The following NXPE2 variants were observed in gnomAD, a reference collection of about 807,000 sequenced individuals.
NXPE2 encodes NXPE family member 2.
Under a neutral mutation model 34.4 loss-of-function variants are expected in NXPE2, and 34 were observed. The ratio of observed to expected loss-of-function variants is 0.99; its 90% confidence interval spans 0.75 to 1.31. The LOEUF (loss-of-function observed/expected upper bound fraction) is 1.31. NXPE2 is among the 40% of genes most tolerant of loss of function. The pLI is 0.00. For missense variants in NXPE2, 649 were observed against 672.5 expected, an observed-to-expected ratio of 0.97 and a Z score of 0.39; for synonymous variants, 235 against 231.3, an observed-to-expected ratio of 1.02 and a Z score of -0.15.
the NXPE2 span, among the ~76,000 whole-genome samples, chr11:114,547,462 C>T: frequency 3.3e-5 from 5 of 152,134 alleles, no homozygotes; most frequent in African/African-American, 7.2e-5. Flanking sequence ...TGGCTGGGTG[C>T]GGTGGCTCAC....
At chr11:114,577,044 G>T in the NXPE2 span, among the ~76,000 whole-genome samples, 2 of 25,730 alleles carry the variant, frequency 7.8e-5, no homozygotes, top group Admixed American at 4.1e-4. Context: ...TATATATAAA[G>T]TTATATATAT....
At chr11:114,719,618 C>T in the NXPE2 span, among the ~76,000 whole-genome samples, 1 of 152,378 alleles carries the variant, frequency 6.6e-6, no homozygotes, top group African/African-American at 2.4e-5. Flanking sequence ...ACAGACTTTG[C>T]TTCTCCAGGC....
At chr11:114,798,769 A>T in the NXPE2 span, among the ~76,000 whole-genome samples, 2 of 152,086 alleles carry the variant, frequency 1.3e-5, no homozygotes, top group East Asian at 3.8e-4. Flanking sequence ...CCCTGTCTCT[A>T]AGTTTCTTTG....
At chr11:114,783,562 G>A in the NXPE2 span, among the ~76,000 whole-genome samples, 1 of 152,186 alleles carries the variant, frequency 6.6e-6, no homozygotes, top group Admixed American at 6.5e-5. Flanking sequence ...TCTGTGAAAA[G>A]TTGGTTACTT....
the NXPE2 span, among the ~76,000 whole-genome samples, chr11:114,586,227 G>A: frequency 6.6e-6 from 1 of 152,072 alleles, no homozygotes; most frequent in Non-Finnish European, 1.5e-5. Context: ...TCTTTCTTTT[G>A]CCTGTTAAAC....
At chr11:114,772,403 C>T in the NXPE2 span, among the ~76,000 whole-genome samples, 1 of 152,066 alleles carries the variant, frequency 6.6e-6, no homozygotes, top group Non-Finnish European at 1.5e-5. Context: ...GATTCTAAAT[C>T]CTGAGAATAA....
At chr11:114,777,386 G>A in the NXPE2 span, among the ~76,000 whole-genome samples, 1 of 152,184 alleles carries the variant, frequency 6.6e-6, no homozygotes, top group Non-Finnish European at 1.5e-5. Flanking sequence ...TCATGTTTAA[G>A]GAAATGGGGT....
chr11:114,706,646 G>A lies in NXPE2; in HGVS notation c.1396G>A (p.Ala466Thr), dbSNP rs915323695. ...TCCCATCAACATTTTCATCCGTAGGGCCATCAATATTCAAAAGGCCATTGA... is the reference window on the plus strand; with the variant it reads ...TCCCATCAACATTTTCATCCGTAGGACCATCAATATTCAAAAGGCCATTGA... ...PFPINIFIRR[A>T]INIQKAIERL... The change falls in exon 6 of 6, where the codon GCC becomes ACC. Residue 466 changes from alanine to threonine, a missense_variant. Ala to Thr is a moderately conservative substitution (Grantham distance 58). Coordinates refer to ENST00000389586, the MANE Select transcript of NXPE2 (RefSeq NM_182495.6). The A allele has an allele frequency of 6.4e-7, 1 of 1,551,860 alleles. No homozygotes were observed. Among genetic ancestry groups the A allele is most frequent in the Non-Finnish European group, 8.7e-7 (1 of 1,147,020 alleles).
At chr11:114,755,102 C>T in the NXPE2 span, among the ~76,000 whole-genome samples, 14 of 152,154 alleles carry the variant, frequency 9.2e-5, no homozygotes, top group African/African-American at 3.4e-4. Context: ...AATGCAAGGA[C>T]AATTGGTAAC....
chr11:114,756,717 A>T, the NXPE2 span, among the ~76,000 whole-genome samples: 1 of 152,224 alleles, frequency 6.6e-6, no homozygotes, highest in Admixed American at 6.5e-5. Flanking sequence ...CTATACCTTA[A>T]AGTAATAATA....
At chr11:114,601,293 A>T in the NXPE2 span, among the ~76,000 whole-genome samples, 4 of 149,896 alleles carry the variant, frequency 2.7e-5, no homozygotes, top group African/African-American at 9.8e-5. Context: ...ACTCTGTATG[A>T]TTTTGGGTAC....
downstream of NXPE2, among the ~76,000 whole-genome samples, chr11:114,710,928 A>T (rs545564796): frequency 1.3e-5 from 2 of 152,208 alleles, no homozygotes; most frequent in African/African-American, 2.4e-5. Context: ...GAATACAAGG[A>T]TGGCTCAACA....
the NXPE2 span, among the ~76,000 whole-genome samples, chr11:114,610,777 T>C: frequency 6.6e-6 from 1 of 152,116 alleles, no homozygotes; most frequent in South Asian, 2.1e-4. Flanking sequence ...GTAACCACTG[T>C]TACCCAGTGG....
the NXPE2 span, among the ~76,000 whole-genome samples, chr11:114,536,647 T>C: frequency 4.5e-3 from 685 of 152,210 alleles, 9 homozygotes; most frequent in African/African-American, 0.015. Context: ...GAGAATACTA[T>C]AAGCACCTCT....
the NXPE2 span, among the ~76,000 whole-genome samples, chr11:114,739,461 CCTT>C: frequency 2.0e-5 from 3 of 148,728 alleles, no homozygotes; most frequent in Admixed American, 1.4e-4. Flanking sequence ...CTCCCTCCCT[CCTT>C]CTTCAGTAAA....
At chr11:114,489,271 A>T in the NXPE2 span, among the ~76,000 whole-genome samples, 5 of 152,210 alleles carry the variant, frequency 3.3e-5, no homozygotes, top group Non-Finnish European at 5.9e-5. Context: ...GCCGAATTCT[A>T]CCAGAGGTAC....
chr11:114,783,122 A>C, the NXPE2 span, among the ~76,000 whole-genome samples: 1 of 152,238 alleles, frequency 6.6e-6, no homozygotes, highest in Non-Finnish European at 1.5e-5. Flanking sequence ...TCCATTTCGT[A>C]ACCTGCAGTC....
At chr11:114,779,681 G>C in the NXPE2 span, among the ~76,000 whole-genome samples, 2 of 152,072 alleles carry the variant, frequency 1.3e-5, no homozygotes, top group African/African-American at 4.8e-5. Context: ...AGTAAACAGA[G>C]AAAGTGAGAA....
At chr11:114,702,277 T>C (rs1951379384) in intron 3 of NXPE2, among the ~76,000 whole-genome samples, 1 of 152,180 alleles carries the variant, frequency 6.6e-6, no homozygotes, top group Non-Finnish European at 1.5e-5. Context: ...ACAGGAGACA[T>C]TAAAATGAAT....
Sources: gnomAD v4.1 joint callset for allele counts (sites outside exome capture counted in the v4.1 genomes callset) on GRCh38, gnomAD v4.1.1 for gene constraint, MANE v1.5 for transcripts, NCBI Gene and HGNC (gene_info 2026-07-23, HGNC 2026-07-21) for gene names.